The following ZSWIM6 variants were observed in gnomAD, a reference collection of about 807,000 sequenced individuals.
ZSWIM6 encodes zinc finger SWIM domain-containing protein 6.
In ZSWIM6, 9 loss-of-function variants were observed where a neutral mutation model predicts 113.2. The ratio of observed to expected loss-of-function variants is 0.08; its 90% CI spans 0.05 to 0.14. The LOEUF is 0.14. Ranked by LOEUF, ZSWIM6 falls within the 10% of genes least tolerant of loss-of-function variation. ZSWIM6 has a pLI of 1.00. For synonymous variants in ZSWIM6, 611 were observed against 606.5 expected, an observed-to-expected ratio of 1.01 and a Z score of -0.11; for missense variants, 1,162 against 1,552.2, an observed-to-expected ratio of 0.75 and a Z score of 4.22.
intron 10 of ZSWIM6, 56 bp from the exon 11 acceptor site, chr5:61,538,758 C>T (rs1749646864): frequency 1.3e-6 from 2 of 1,504,598 alleles, no homozygotes; most frequent in South Asian, 2.7e-5. Flanking sequence ...GTCTTTCTGG[C>T]CAAGGACATG....
intron 1 of ZSWIM6, among the ~76,000 whole-genome samples, chr5:61,392,295 AC>A (rs2112093400): frequency 6.6e-6 from 1 of 152,308 alleles, no homozygotes; most frequent in Non-Finnish European, 1.5e-5. Context: ...GCATCTATAT[AC>A]CTTTTTCTCC....
chr5:61,543,966 G>A lies in ZSWIM6; in HGVS notation c.3297G>A (p.Lys1099=), dbSNP rs756259707. Residue 1099 remains lysine, a synonymous_variant, in exon 14 of 14, where the codon AAG becomes AAA. Transcript: ENST00000252744. The surrounding 1 kb of genome is among the most constrained non-coding windows in gnomAD (Gnocchi z 4.3). ...TACCTCTGGTGGTCAAGAGTGTCAA[G>A]TGTGCAACGGTACTGTCAGACATTT... ...AIIPLVVKSV[K]CATVLSDILR... 6.4e-6 allele frequency: 10 copies of A among 1,551,716 alleles called. No individual in the cohort carries two copies. The African/African-American group carries it at 1.2e-4, about 19-fold the overall frequency.
chr5:61,492,361 A>T (rs748576287), intron 3 of ZSWIM6, among the ~76,000 whole-genome samples: 1 of 152,084 alleles, frequency 6.6e-6, no homozygotes, highest in Non-Finnish European at 1.5e-5. Flanking sequence ...TTATATACAC[A>T]TTATGTATGC....
intron 1 of ZSWIM6, among the ~76,000 whole-genome samples, chr5:61,398,606 G>A (rs1745885411): frequency 6.6e-6 from 1 of 151,980 alleles, no homozygotes. Flanking sequence ...TTAATCTCTT[G>A]GAACCTCGTT....
rs547215768 is a variant in ZSWIM6, at chr5:61,397,509, G to A, written c.676+64561G>A. Among the ~76,000 whole-genome samples, 64 of 152,188 alleles carry A rather than the reference G, an allele frequency of 4.2e-4. 1 individual carries two copies. The highest frequency in any genetic ancestry group is 1.5e-3 in the African/African-American group (64 of 41,524). On this transcript the variant is annotated intron_variant, in intron 1 of 13. Transcript: ENST00000252744. ...GCAGTAGGGTCCTCCAGGGACTGTGGCATGCACAGCCCATCAGTGACAGCC... is the reference window on the plus strand; with the variant it reads ...GCAGTAGGGTCCTCCAGGGACTGTGACATGCACAGCCCATCAGTGACAGCC...
At position 61,332,620 on chromosome 5, in the gene ZSWIM6, C is replaced by T. The variant is rs764639032; in HGVS notation, c.348C>T (p.Arg116=). The change falls in exon 1 of 14, where the codon CGC becomes CGT. Residue 116 remains arginine, a synonymous_variant. Transcript: ENST00000252744. Reference sequence around the variant, plus strand: ...GCATAGTCTATTGGTCCTTCCCCCGCAGCGAGCGGGAGATCTGCATGTACT... The same window carrying T: ...GCATAGTCTATTGGTCCTTCCCCCGTAGCGAGCGGGAGATCTGCATGTACT... ...QRRIVYWSFP[R]SEREICMYSS... The T allele has an allele frequency of 8.7e-6, 11 of 1,261,322 alleles. No homozygotes were observed. In the African/African-American group the frequency reaches 1.6e-4, roughly 19 times the overall value. 78.1% of individuals were successfully genotyped at this position (1,261,322 alleles called of 1,614,324 possible).
At chr5:61,471,125 T>C (rs1462704526) in intron 1 of ZSWIM6, among the ~76,000 whole-genome samples, 1 of 152,226 alleles carries the variant, frequency 6.6e-6, no homozygotes, top group East Asian at 1.9e-4. Flanking sequence ...AGATGAATTT[T>C]ATTAAAGTAG....
chr5:61,531,734 A>G lies in ZSWIM6; in HGVS notation c.2245+9A>G. ...AGTCTTCCTATTAGAAGGTAGCCTG[A>G]TACAGAAGTTTTCCACTTATTTAGC... On this transcript the variant is annotated intron_variant, in intron 9 of 13. Coordinates refer to ENST00000252744, the MANE Select transcript of ZSWIM6 (RefSeq NM_020928.2). The G allele has an allele frequency of 6.5e-7, 1 of 1,550,146 alleles. No homozygotes were observed. The highest frequency in any genetic ancestry group is 8.7e-7 in the Non-Finnish European group (1 of 1,145,876).
chr5:61,422,031 G>A (rs942547682), intron 1 of ZSWIM6, among the ~76,000 whole-genome samples: 4 of 152,104 alleles, frequency 2.6e-5, no homozygotes, highest in African/African-American at 9.7e-5. Flanking sequence ...TTTGTTGATC[G>A]TTTCCTTTGC....
chr5:61,349,661 C>G (rs1284224034), intron 1 of ZSWIM6, among the ~76,000 whole-genome samples: 1 of 151,978 alleles, frequency 6.6e-6, no homozygotes, highest in Non-Finnish European at 1.5e-5. Flanking sequence ...GTAGTAGCAT[C>G]AGGCCAAAAG....
chr5:61,434,204 TAA>T (rs1561235891), intron 1 of ZSWIM6, among the ~76,000 whole-genome samples: 1 of 147,664 alleles, frequency 6.8e-6, no homozygotes, highest in African/African-American at 2.5e-5. Context: ...AATATATGTA[TAA>T]TATATATAAA....
intron 1 of ZSWIM6, among the ~76,000 whole-genome samples, chr5:61,431,903 T>C (rs1329814085): frequency 6.6e-6 from 1 of 152,242 alleles, no homozygotes; most frequent in Non-Finnish European, 1.5e-5. Flanking sequence ...GTTTTCTTTT[T>C]TCTGTTTTTG....
At position 61,472,801 on chromosome 5, in the gene ZSWIM6, A is replaced by G; in HGVS notation, c.797A>G (p.Asn266Ser). ...KITSVTCSCG[N>S]KDIFYCAHVV... Reference sequence around the variant, plus strand: ...ACCTCAGTGACCTGCAGCTGTGGAAACAAGGACATATTTTATTGTGCCCAT... The same window carrying G: ...ACCTCAGTGACCTGCAGCTGTGGAAGCAAGGACATATTTTATTGTGCCCAT... The change falls in exon 2 of 14, where the codon AAC (asparagine) becomes AGC (serine). Residue 266 changes from asparagine (N) to serine (S), a missense_variant. Coordinates refer to ENST00000252744, the MANE Select transcript of ZSWIM6 (RefSeq NM_020928.2). The surrounding 1 kb of genome is among the most constrained non-coding windows in gnomAD (Gnocchi z 4.1). 6.4e-7 allele frequency: 1 copy of G among 1,551,862 alleles called. No individual in the cohort carries two copies. The highest frequency in any genetic ancestry group is 8.7e-7 in the Non-Finnish European group (1 of 1,147,090).
intron 1 of ZSWIM6, among the ~76,000 whole-genome samples, chr5:61,350,736 CGTCTT>C (rs1471156108): frequency 5.3e-5 from 8 of 152,168 alleles, no homozygotes; most frequent in Admixed American, 3.3e-4. Context: ...CATTAGGAGG[CGTCTT>C]GTCTTACTAT....
intron 4 of ZSWIM6, among the ~76,000 whole-genome samples, chr5:61,495,838 A>T (rs1435385751): frequency 2.6e-5 from 4 of 152,152 alleles, no homozygotes; most frequent in Non-Finnish European, 5.9e-5. Context: ...CATTAAGAAA[A>T]CTATAATGAA....
intron 2 of ZSWIM6, 99 bp from the exon 3 acceptor site, chr5:61,490,687 A>T: frequency 8.5e-7 from 1 of 1,178,128 alleles, no homozygotes; most frequent in Non-Finnish European, 1.2e-6. Flanking sequence ...ATTGAAATTG[A>T]GATTGAATTA....
chr5:61,528,466 C>A (rs1045706912), intron 7 of ZSWIM6, among the ~76,000 whole-genome samples: 17 of 151,796 alleles, frequency 1.1e-4, no homozygotes, highest in African/African-American at 4.1e-4. Context: ...GAGTAGTGCT[C>A]ATGTTTCTTT....
chr5:61,342,684 A>AT (rs1290374847), intron 1 of ZSWIM6, among the ~76,000 whole-genome samples: 3 of 152,180 alleles, frequency 2.0e-5, no homozygotes, highest in Non-Finnish European at 2.9e-5. Flanking sequence ...TTAAAATGTT[A>AT]TTTTTTTCCA....
intron 4 of ZSWIM6, among the ~76,000 whole-genome samples, chr5:61,504,391 C>T (rs1165815122): frequency 1.3e-5 from 2 of 152,108 alleles, no homozygotes; most frequent in Non-Finnish European, 2.9e-5. Context: ...CTATCATACA[C>T]AATACAATCA....
Sources: allele counts gnomAD v4.1 joint callset (sites outside exome capture counted in the v4.1 genomes callset), GRCh38; gene constraint gnomAD v4.1.1; non-coding constraint Gnocchi (gnomAD v3.1); transcripts MANE v1.5; gene names NCBI Gene and HGNC (gene_info 2026-07-23, HGNC 2026-07-21).